DHX32: variants seen among roughly 807,000 people sequenced by gnomAD.
DHX32 encodes DEAH-box helicase 32 (putative), also known as putative pre-mRNA-splicing factor ATP-dependent RNA helicase DHX32.
DHX32 carries 51 observed loss-of-function variants against 70.0 expected under a neutral mutation model. That is an observed-to-expected ratio of 0.73 (90% CI 0.58 to 0.92). DHX32 has a LOEUF of 0.92. Among genes scored for constraint, DHX32 ranks in the 40% least tolerant of loss-of-function variants. DHX32 has a pLI of 0.00. For missense variants in DHX32, 762 were observed against 891.8 expected (o/e 0.85, Z 1.85); for synonymous variants, 310 against 315.3 (o/e 0.98, Z 0.18).
intron 1 of DHX32, among the ~76,000 whole-genome samples, chr10:125,874,542 T>G (rs183270716): frequency 6.6e-6 from 1 of 152,224 alleles, no homozygotes; most frequent in Non-Finnish European, 1.5e-5. Flanking sequence ...ATTAAAAAAA[T>G]TTTTTAAACT....
At chr10:125,841,990 C>G in intron 6 of DHX32, 56 bp from the exon 7 acceptor site, 1 of 1,488,476 alleles carries the variant, frequency 6.7e-7, no homozygotes, top group Non-Finnish European at 8.8e-7. Context: ...GATGGAGAAA[C>G]AGGTACTGGA....
rs993294680 is a variant in DHX32 at position 125,880,899 on chromosome 10, G to A, written c.-75C>T. The A allele has an allele frequency of 7.4e-5, 112 of 1,512,804 alleles. 1 individual carries two copies. The Admixed American group carries it at 2.3e-3, about 31-fold the overall frequency. The allele number at this position is 1,512,804 out of a possible 1,614,324, so 93.7% of individuals were successfully genotyped here. A position where few individuals can be genotyped will look rare whatever the true frequency, so the allele number is the denominator to read the frequency against. ...CCTATCAGTAACCCATTGCAAACAG[G>A]GCTTAAAAGCCTATTTATACAAACC... On this transcript the variant is annotated 5_prime_UTR_variant, in exon 1 of 11. Coordinates refer to ENST00000284690, the MANE Select transcript of DHX32 (RefSeq NM_018180.3).
At chr10:125,888,126 C>T (rs1393221455) in intron 1 of DHX32, among the ~76,000 whole-genome samples, 6 of 151,916 alleles carry the variant, frequency 3.9e-5, no homozygotes. Flanking sequence ...GTAAAATATA[C>T]ACGCCTTGCC....
At chr10:125,843,454 T>A (rs1043276607) in intron 6 of DHX32, among the ~76,000 whole-genome samples, 20 of 151,762 alleles carry the variant, frequency 1.3e-4, no homozygotes, top group Admixed American at 1.0e-3. Context: ...ACTAAAAAAA[T>A]ACAAAAAATT....
Position 125,838,361 on chromosome 10 carries a change from A to C in DHX32, c.1908T>G (p.Gly636=), listed in dbSNP as rs2134021234. Residue 636 remains glycine (G), a synonymous_variant, in exon 10 of 11, where the codon GGT becomes GGG. Coordinates refer to ENST00000284690, the MANE Select transcript of DHX32 (RefSeq NM_018180.3). ...MQIARDVDGS[G]NYLMLTHKQV... is the part of the protein sequence containing the mutation. Reference sequence around the variant, plus strand: ...GCTTATGTGTCAGCATTAAGTAGTTACCTGATCCATCAACATCCCGAGCAA... The same window carrying C: ...GCTTATGTGTCAGCATTAAGTAGTTCCCTGATCCATCAACATCCCGAGCAA... 1 of 1,598,980 alleles carries C rather than the reference A, an allele frequency of 6.3e-7. No individual in the cohort carries two copies. Among genetic ancestry groups the C allele is most frequent in the South Asian group, 1.1e-5 (1 of 87,184 alleles).
At chr10:125,841,481 A>C in intron 7 of DHX32, 1 of 1,462,876 alleles carries the variant, frequency 6.8e-7, no homozygotes, top group Non-Finnish European at 9.0e-7. Context: ...TTATTTCAGC[A>C]AAAGAAATCT....
At chr10:125,837,351 T>C (rs1191670445) in intron 10 of DHX32, among the ~76,000 whole-genome samples, 2 of 152,260 alleles carry the variant, frequency 1.3e-5, no homozygotes, top group African/African-American at 2.4e-5. Flanking sequence ...GACTCTGTAC[T>C]GGCCTCTCAA....
chr10:125,849,055 A>G (rs1352347754), intron 6 of DHX32, among the ~76,000 whole-genome samples: 2 of 152,186 alleles, frequency 1.3e-5, no homozygotes, highest in Non-Finnish European at 2.9e-5. Flanking sequence ...CCAGGGCAGT[A>G]TCTGTTTCCA....
intron 4 of DHX32, chr10:125,853,085 C>A: frequency 2.8e-6 from 4 of 1,434,848 alleles, no homozygotes; most frequent in East Asian, 2.3e-5. Flanking sequence ...ACAGCTAATA[C>A]AGAAACTGCG....
At chr10:125,886,803 A>G (rs1175010707) in intron 1 of DHX32, among the ~76,000 whole-genome samples, 1 of 152,266 alleles carries the variant, frequency 6.6e-6, no homozygotes, top group Non-Finnish European at 1.5e-5. Flanking sequence ...ACTGAGATTC[A>G]GACAATGGCA....
At chr10:125,856,100 A>C (rs1422034986) in intron 3 of DHX32, among the ~76,000 whole-genome samples, 4 of 152,254 alleles carry the variant, frequency 2.6e-5, no homozygotes, top group Non-Finnish European at 5.9e-5. Context: ...AGCTTTAAAA[A>C]ATGTGCATCT....
chr10:125,882,339 T>C (rs1470774623), upstream of DHX32, among the ~76,000 whole-genome samples: 1 of 152,216 alleles, frequency 6.6e-6, no homozygotes, highest in East Asian at 1.9e-4. Context: ...ATTATTGCTT[T>C]AGATGGTTGG....
intron 6 of DHX32, among the ~76,000 whole-genome samples, chr10:125,844,258 G>A (rs1449401462): frequency 6.6e-6 from 1 of 152,210 alleles, no homozygotes; most frequent in African/African-American, 2.4e-5. Flanking sequence ...GGAAGGGGCT[G>A]GAGTACAAAC....
rs376643295 is a variant in DHX32 at position 125,840,835 on chromosome 10, G to A, written c.1693+12C>T. 15 of 1,562,652 alleles carry A rather than the reference G, an allele frequency of 9.6e-6. No homozygotes were observed. Among genetic ancestry groups the A allele is most frequent in the Non-Finnish European group, 7.0e-6 (8 of 1,149,318 alleles). On this transcript the variant is annotated intron_variant, in intron 8 of 10. Coordinates refer to ENST00000284690, the MANE Select transcript of DHX32 (RefSeq NM_018180.3). Reference sequence around the variant, plus strand: ...GGTGGAATTAATAGGTAGTTTCTGAGCATTCACTTACACTCACTGCTAGAA... The same window carrying A: ...GGTGGAATTAATAGGTAGTTTCTGAACATTCACTTACACTCACTGCTAGAA...
chr10:125,875,565 G>C (rs975851781), intron 1 of DHX32, among the ~76,000 whole-genome samples: 1 of 152,218 alleles, frequency 6.6e-6, no homozygotes, highest in East Asian at 1.9e-4. Flanking sequence ...AGAAAGCTCA[G>C]ACTTACAGAA....
At chr10:125,893,571 G>C (rs76606049) in intron 1 of DHX32, among the ~76,000 whole-genome samples, 1 of 152,196 alleles carries the variant, frequency 6.6e-6, no homozygotes, top group Non-Finnish European at 1.5e-5. Flanking sequence ...GACGAGTAAA[G>C]GGCGGAGAGA....
intron 1 of DHX32, among the ~76,000 whole-genome samples, chr10:125,873,155 G>A (rs529626849): frequency 6.6e-6 from 1 of 152,292 alleles, no homozygotes; most frequent in Admixed American, 6.5e-5. Context: ...ATCCGTGTAT[G>A]GTCTCATCAC....
intron 3 of DHX32, among the ~76,000 whole-genome samples, chr10:125,855,316 C>T (rs1180247310): frequency 2.6e-5 from 4 of 152,056 alleles, no homozygotes; most frequent in African/African-American, 9.7e-5. Context: ...TAGGAGGACA[C>T]GCATTCATTC....
chr10:125,861,490 C>A (rs1048172447), intron 2 of DHX32, among the ~76,000 whole-genome samples: 1 of 152,110 alleles, frequency 6.6e-6, no homozygotes, highest in African/African-American at 2.4e-5. Context: ...GAGCGAGACT[C>A]CCCCAGAAAA....
Sources: allele counts gnomAD v4.1 joint callset (sites outside exome capture counted in the v4.1 genomes callset), GRCh38; gene constraint gnomAD v4.1.1; transcripts MANE v1.5; gene names NCBI Gene and HGNC (gene_info 2026-07-23, HGNC 2026-07-21).